NAALADL2: variants seen among roughly 807,000 people sequenced by gnomAD.
NAALADL2 encodes N-acetylated alpha-linked acidic dipeptidase like 2.
In NAALADL2, 76 loss-of-function variants were observed where a neutral mutation model predicts 87.2. That is an observed-to-expected ratio of 0.87 (90% CI 0.72 to 1.05). The LOEUF is 1.05. NAALADL2 is among the 50% of genes least tolerant of loss of function. The pLI, the probability that NAALADL2 is intolerant of heterozygous loss-of-function variation, is 0.00. For missense variants in NAALADL2, 1,089 were observed against 945.8 expected (o/e 1.15, Z -1.99); for synonymous variants, 354 against 331.0 (o/e 1.07, Z -0.75).
chr3:174,939,687 A>G (rs934750355), intron 1 of NAALADL2, among the ~76,000 whole-genome samples: 1 of 151,882 alleles, frequency 6.6e-6, no homozygotes, highest in Non-Finnish European at 1.5e-5. Flanking sequence ...TTCTTTGAGC[A>G]ATGTTTTATA....
At chr3:174,833,134 A>G (rs1722924246) in intron 3 of NAALADL2, among the ~76,000 whole-genome samples, 1 of 152,116 alleles carries the variant, frequency 6.6e-6, no homozygotes, top group Non-Finnish European at 1.5e-5. Flanking sequence ...GAATAAAATC[A>G]TTTGTTATAT....
At chr3:175,075,064 C>T (rs1458084993) in intron 1 of NAALADL2, among the ~76,000 whole-genome samples, 2 of 152,016 alleles carry the variant, frequency 1.3e-5, no homozygotes, top group African/African-American at 4.8e-5. Context: ...CTAATATATG[C>T]CAAGCACTGT....
chr3:174,654,096 G>A (rs549493472), intron 2 of NAALADL2, among the ~76,000 whole-genome samples: 2 of 143,982 alleles, frequency 1.4e-5, no homozygotes, highest in African/African-American at 5.3e-5. Context: ...GTGTGTGTGT[G>A]TGTGTTAGAA....
intron 1 of NAALADL2, among the ~76,000 whole-genome samples, chr3:174,546,637 G>T (rs1345872064): frequency 2.0e-5 from 3 of 152,054 alleles, no homozygotes; most frequent in Non-Finnish European, 4.4e-5. Context: ...CTTGTGACAG[G>T]TGTTTTTTGT....
intron 1 of NAALADL2, among the ~76,000 whole-genome samples, chr3:175,040,057 C>T (rs563849262): frequency 2.0e-5 from 3 of 152,226 alleles, no homozygotes; most frequent in South Asian, 4.1e-4. Flanking sequence ...ACACTCAACC[C>T]CAGCCAAGAT....
chr3:175,438,030 G>A (rs927141849), intron 5 of NAALADL2, among the ~76,000 whole-genome samples: 10 of 151,926 alleles, frequency 6.6e-5, no homozygotes, highest in East Asian at 1.9e-4. Flanking sequence ...TTACAATTTC[G>A]TGGTTTCAAA....
At chr3:175,069,620 T>C (rs1456101039) in intron 1 of NAALADL2, among the ~76,000 whole-genome samples, 2 of 151,242 alleles carry the variant, frequency 1.3e-5, no homozygotes, top group South Asian at 2.1e-4. Flanking sequence ...CTCAGGGATC[T>C]AGAACTAGAA....
At chr3:174,749,682 G>C (rs557364975) in intron 3 of NAALADL2, among the ~76,000 whole-genome samples, 143 of 152,204 alleles carry the variant, frequency 9.4e-4, no homozygotes, top group Non-Finnish European at 1.4e-3. Flanking sequence ...AGGTGGGTTG[G>C]GTTTCCCAGG....
intron 2 of NAALADL2, among the ~76,000 whole-genome samples, chr3:175,122,564 C>G (rs181770242): frequency 6.6e-6 from 1 of 151,654 alleles, no homozygotes; most frequent in African/African-American, 2.4e-5. Flanking sequence ...GCAGCACTAC[C>G]TGAGAATTCT....
chr3:175,438,786 T>TA (rs1304330502), intron 5 of NAALADL2, among the ~76,000 whole-genome samples: 2 of 152,064 alleles, frequency 1.3e-5, no homozygotes, highest in African/African-American at 4.8e-5. Flanking sequence ...TATTTTTGAG[T>TA]AAAAGACAAA....
chr3:174,663,273 T>G (rs1375306956), intron 2 of NAALADL2, among the ~76,000 whole-genome samples: 3 of 152,168 alleles, frequency 2.0e-5, no homozygotes, highest in Admixed American at 2.0e-4. Flanking sequence ...CTTAAAATAT[T>G]TGTAGATATG....
chr3:175,574,040 C>T (rs556078666), intron 9 of NAALADL2, among the ~76,000 whole-genome samples: 2 of 152,256 alleles, frequency 1.3e-5, no homozygotes, highest in African/African-American at 4.8e-5. Context: ...TTGCAAAGAT[C>T]TTTCCATTAG....
chr3:175,217,961 G>T (rs1393512217), intron 2 of NAALADL2: 2 of 237,386 alleles, frequency 8.4e-6, no homozygotes, highest in Non-Finnish European at 1.8e-5. Flanking sequence ...AAAGGGCAGT[G>T]GGACATGAAT....
chr3:174,662,468 C>T (rs1725590684), intron 2 of NAALADL2, among the ~76,000 whole-genome samples: 1 of 152,252 alleles, frequency 6.6e-6, no homozygotes, highest in African/African-American at 2.4e-5. Flanking sequence ...TCATAGCTGA[C>T]TCATGGTTAT....
chr3:175,800,841 C>T (rs537786005), intron 13 of NAALADL2, among the ~76,000 whole-genome samples: 1 of 152,174 alleles, frequency 6.6e-6, no homozygotes, highest in East Asian at 1.9e-4. Flanking sequence ...GCAATGAGAT[C>T]ATAACATATT....
At chr3:175,599,701 G>A (rs1722698226) in intron 10 of NAALADL2, among the ~76,000 whole-genome samples, 2 of 152,048 alleles carry the variant, frequency 1.3e-5, no homozygotes, top group South Asian at 4.1e-4. Flanking sequence ...CCAGTTAATG[G>A]AGGTAGAACA....
At chr3:175,786,266 A>C (rs1254560314) in intron 13 of NAALADL2, among the ~76,000 whole-genome samples, 1 of 152,088 alleles carries the variant, frequency 6.6e-6, no homozygotes, top group Non-Finnish European at 1.5e-5. Context: ...AGATTGGGGA[A>C]GTTCTCCTGG....
At chr3:174,647,338 C>T (rs941353088) in intron 2 of NAALADL2, among the ~76,000 whole-genome samples, 2 of 152,098 alleles carry the variant, frequency 1.3e-5, no homozygotes, top group Non-Finnish European at 2.9e-5. Flanking sequence ...AAATCAGATG[C>T]CTGCACTGGC....
chr3:174,696,103 T>C (rs1728986061), intron 2 of NAALADL2, among the ~76,000 whole-genome samples: 1 of 152,062 alleles, frequency 6.6e-6, no homozygotes, highest in Non-Finnish European at 1.5e-5. Flanking sequence ...ACCTTACTTT[T>C]AAATTAGTTT....
Sources: allele counts gnomAD v4.1 joint callset (sites outside exome capture counted in the v4.1 genomes callset), GRCh38; gene constraint gnomAD v4.1.1; transcripts MANE v1.5; gene names NCBI Gene and HGNC (gene_info 2026-07-23, HGNC 2026-07-21).